NAV3: variants seen among roughly 807,000 people sequenced by gnomAD.
NAV3 encodes the protein neuron navigator 3.
Under a neutral mutation model 244.7 loss-of-function variants are expected in NAV3, and 87 were observed. The ratio of observed to expected loss-of-function variants is 0.36; its 90% CI spans 0.30 to 0.42. The LOEUF (loss-of-function observed/expected upper bound fraction) is 0.42. NAV3 is among the 20% of genes least tolerant of loss of function. The pLI, the probability that NAV3 is intolerant of heterozygous loss-of-function variation, is 1.00. For synonymous variants in NAV3, 1,126 were observed against 1,042.2 expected, an observed-to-expected ratio of 1.08 and a Z score of -1.55; for missense variants, 2,663 against 2,893.3, an observed-to-expected ratio of 0.92 and a Z score of 1.83.
upstream of NAV3, among the ~76,000 whole-genome samples, chr12:77,828,830 A>AATC (rs1458817436): frequency 6.6e-6 from 1 of 152,072 alleles, no homozygotes. Context: ...CTTTTTTTTC[A>AATC]ATCTAATTGT....
At position 77,797,524 on chromosome 12, in the gene NAV3, G is replaced by GT. The variant is rs33912743; in HGVS notation, c.73-142770dup. Among the ~76,000 whole-genome samples the GT allele has an allele frequency of 2.0e-3, 204 of 100,496 alleles. 2 individuals are homozygous for GT. Among genetic ancestry groups the GT allele is most frequent in the African/African-American group, 6.3e-3 (161 of 25,476 alleles). The allele number at this position is 100,496 out of a possible 152,430, so 65.9% of individuals were successfully genotyped here. Reference sequence around the variant, plus strand: ...GTCTTAAACGTAGAATCTTTAAAAAGTTTTTTTTTTTTTTTTTTTTTTTTT... The same window carrying GT: ...GTCTTAAACGTAGAATCTTTAAAAAGTTTTTTTTTTTTTTTTTTTTTTTTTT... On this transcript the variant is annotated intron_variant, in intron 2 of 8. Coordinates refer to the NAV3 transcript ENST00000550042.
rs1042071391 is a variant in NAV3, at chr12:77,593,298, G to A, written c.72+21032G>A. Among the ~76,000 whole-genome samples, 85 of 151,920 alleles carry A rather than the reference G, an allele frequency of 5.6e-4. 1 individual carries two copies. In the East Asian group the frequency reaches 0.014, roughly 26 times the overall value. ...TGTGTGTCTGTGTGTGTGTGTGTGT[G>A]TGTGTATTCCTTAGGGTTTAAACAG... On this transcript the variant is annotated intron_variant, in intron 2 of 8. Transcript: ENST00000550042.
chr12:77,890,753 A>G (rs1463334113), intron 1 of NAV3, among the ~76,000 whole-genome samples: 1 of 152,226 alleles, frequency 6.6e-6, no homozygotes, highest in Non-Finnish European at 1.5e-5. Flanking sequence ...CTTCTTACAC[A>G]AAGTAGTTAC....
chr12:77,905,866 A>G (rs142321228), intron 1 of NAV3, among the ~76,000 whole-genome samples: 1 of 152,312 alleles, frequency 6.6e-6, no homozygotes, highest in African/African-American at 2.4e-5. Context: ...TAACTAGAAC[A>G]TTTAGATTGC....
intron 32 of NAV3, 91 bp from the exon 33 acceptor site, chr12:78,188,518 A>T: frequency 7.6e-7 from 1 of 1,320,276 alleles, no homozygotes; most frequent in East Asian, 2.3e-5. Flanking sequence ...AATATTCTTG[A>T]CAACTAGCTC....
At chr12:78,137,473 T>G (rs1434328865) in intron 19 of NAV3, 108 bp downstream of exon 19, 1 of 1,111,810 alleles carries the variant, frequency 9.0e-7, no homozygotes, top group African/African-American at 1.6e-5. Flanking sequence ...AATAAACTAG[T>G]GTAATTATCA....
At chr12:78,192,724 T>G (rs1959039235) in intron 34 of NAV3, among the ~76,000 whole-genome samples, 1 of 152,070 alleles carries the variant, frequency 6.6e-6, no homozygotes, top group South Asian at 2.1e-4. Flanking sequence ...AAGAAACTCT[T>G]GAACAAATCA....
intron 2 of NAV3, among the ~76,000 whole-genome samples, chr12:77,693,915 T>G (rs753339062): frequency 2.6e-5 from 4 of 152,142 alleles, no homozygotes; most frequent in Non-Finnish European, 4.4e-5. Context: ...TAATCCCAAC[T>G]GACACAATGA....
intron 5 of NAV3, among the ~76,000 whole-genome samples, chr12:77,991,787 C>T (rs1871484533): frequency 6.6e-6 from 1 of 152,142 alleles, no homozygotes; most frequent in African/African-American, 2.4e-5. Context: ...AATCCCAGCA[C>T]TTTGGGAGGC....
intron 34 of NAV3, among the ~76,000 whole-genome samples, chr12:78,192,654 C>T (rs1959036003): frequency 6.6e-6 from 1 of 152,040 alleles, no homozygotes; most frequent in Non-Finnish European, 1.5e-5. Context: ...TCGTGATCCA[C>T]CTGCCTCGGC....
At chr12:77,998,881 T>C (rs561789803) in intron 7 of NAV3, among the ~76,000 whole-genome samples, 1 of 152,276 alleles carries the variant, frequency 6.6e-6, no homozygotes, top group South Asian at 2.1e-4. Flanking sequence ...GGTTGGAGCA[T>C]CAAAATTTGA....
At chr12:78,104,975 T>G (rs1175981078) in intron 12 of NAV3, among the ~76,000 whole-genome samples, 1 of 152,112 alleles carries the variant, frequency 6.6e-6, no homozygotes, top group Non-Finnish European at 1.5e-5. Flanking sequence ...TCTAAATGAG[T>G]TTTTGTTCAC....
intron 38 of NAV3, 77 bp downstream of exon 38, chr12:78,200,668 AT>A (rs35570922): frequency 9.1e-5 from 69 of 760,208 alleles, no homozygotes; most frequent in Admixed American, 5.7e-4. Context: ...GCAAAAAAAA[AT>A]ATCTGGGTAT....
chr12:78,104,944 G>A (rs897695655), intron 12 of NAV3, among the ~76,000 whole-genome samples: 4 of 152,048 alleles, frequency 2.6e-5, no homozygotes, highest in African/African-American at 9.7e-5. Flanking sequence ...AAGAAAAAAT[G>A]TATGCTGGGA....
At chr12:77,948,217 G>A (rs1324036370) in intron 3 of NAV3, among the ~76,000 whole-genome samples, 5 of 151,896 alleles carry the variant, frequency 3.3e-5, no homozygotes, top group South Asian at 4.1e-4. Flanking sequence ...ATACAAGAAT[G>A]CCTTGTTGCA....
chr12:77,883,902 T>C (rs1239850164), intron 1 of NAV3, among the ~76,000 whole-genome samples: 7 of 152,162 alleles, frequency 4.6e-5, no homozygotes, highest in Admixed American at 1.3e-4. Context: ...TGTATTTTCC[T>C]GACATTATTT....
chr12:78,013,737 A>C lies in NAV3; in HGVS notation c.1907+6292A>C, dbSNP rs886625084. ...ATGTAAAATGGATTGTTTGTGGGAGAGGTCAGAGTAGGATGAACCAGGTTA... is the reference window on the plus strand; with the variant it reads ...ATGTAAAATGGATTGTTTGTGGGAGCGGTCAGAGTAGGATGAACCAGGTTA... On this transcript the variant is annotated intron_variant, in intron 8 of 39. Coordinates refer to ENST00000397909, the MANE Select transcript of NAV3 (RefSeq NM_001024383.2). Among the ~76,000 whole-genome samples, 4 of 152,108 alleles carry C rather than the reference A, an allele frequency of 2.6e-5. 1 individual carries two copies. The highest frequency in any genetic ancestry group is 2.0e-4 in the Admixed American group (3 of 15,258).
At position 78,122,025 on chromosome 12, in the gene NAV3, A is replaced by G. The variant is rs1955689849; in HGVS notation, c.3835A>G (p.Ser1279Gly). Reference protein sequence around the residue: ...VKSSSVMPSPSTTLARQGSLE... With the variant: ...VKSSSVMPSPGTTLARQGSLE... ...ATCTTCCTCAGTAATGCCCAGCCCT[A>G]GTACCACATTAGCGCGGCAAGGCAG... The change falls in exon 16 of 40, where the codon AGT becomes GGT. Residue 1279 changes from serine to glycine, a missense_variant. Ser to Gly is a moderately conservative substitution (Grantham distance 56). Around this residue, in one of 6 missense-constraint regions of NAV3, gnomAD observed 354 missense variants for 413.0 expected, o/e 0.86. Coordinates refer to ENST00000397909, the MANE Select transcript of NAV3 (RefSeq NM_001024383.2). The G allele has an allele frequency of 6.2e-7, 1 of 1,614,104 alleles. No individual in the cohort carries two copies. Among genetic ancestry groups the G allele is most frequent in the Non-Finnish European group, 8.5e-7 (1 of 1,180,044 alleles).
At chr12:77,889,320 G>A (rs532555579) in intron 1 of NAV3, among the ~76,000 whole-genome samples, 20 of 152,326 alleles carry the variant, frequency 1.3e-4, no homozygotes, top group African/African-American at 4.3e-4. Context: ...TGGGACTGCA[G>A]CTTGCACCAT....
Sources: gnomAD v4.1 joint callset for allele counts (sites outside exome capture counted in the v4.1 genomes callset) on GRCh38, gnomAD v4.1.1 for gene constraint, gnomAD v4.1.1 regional missense constraint, MANE v1.5 for transcripts, NCBI Gene and HGNC (gene_info 2026-07-23, HGNC 2026-07-21) for gene names.